The following MYT1L variants were observed in gnomAD, a reference collection of about 807,000 sequenced individuals.
MYT1L encodes myelin transcription factor 1 like, also known as myelin transcription factor 1-like protein.
In MYT1L, 12 loss-of-function variants were observed where a neutral mutation model predicts 126.7. The observed-to-expected ratio is 0.09, with a 90% CI of 0.06 to 0.15. The LOEUF (loss-of-function observed/expected upper bound fraction) is 0.15, where lower values mean the gene tolerates loss of function less well. Among genes scored for constraint, MYT1L ranks in the 10% least tolerant of loss-of-function variants. The pLI, the probability that MYT1L is intolerant of heterozygous loss-of-function variation, is 1.00. For synonymous variants in MYT1L, 541 were observed against 604.2 expected, an observed-to-expected ratio of 0.90 and a Z score of 1.53; for missense variants, 979 against 1,585.2, an observed-to-expected ratio of 0.62 and a Z score of 6.49.
intron 2 of MYT1L, among the ~76,000 whole-genome samples, chr2:2,207,282 A>G (rs956916747): frequency 3.3e-5 from 5 of 152,194 alleles, no homozygotes; most frequent in Admixed American, 3.3e-4. Context: ...CTATATCTAC[A>G]CTACACATAT....
At chr2:1,992,002 C>T (rs962046038) in intron 5 of MYT1L, among the ~76,000 whole-genome samples, 2 of 152,160 alleles carry the variant, frequency 1.3e-5, no homozygotes, top group Admixed American at 6.5e-5. Flanking sequence ...CTAACCTCTC[C>T]GGTCAGCACT....
At chr2:1,899,516 CCT>C (rs1398987766) in intron 14 of MYT1L, among the ~76,000 whole-genome samples, 2 of 152,216 alleles carry the variant, frequency 1.3e-5, no homozygotes, top group Non-Finnish European at 2.9e-5. Flanking sequence ...CCCCTCAGCC[CCT>C]CTGTCAGCCT....
chr2:2,308,636 A>G (rs922678979), intron 1 of MYT1L, among the ~76,000 whole-genome samples: 8 of 151,944 alleles, frequency 5.3e-5, no homozygotes, highest in Admixed American at 4.6e-4. Flanking sequence ...CGTATAACCT[A>G]CCTATACTTC....
intron 3 of MYT1L, among the ~76,000 whole-genome samples, chr2:2,114,351 G>A (rs1312255751): frequency 3.3e-5 from 5 of 152,140 alleles, no homozygotes; most frequent in East Asian, 1.9e-4. Flanking sequence ...CTTTCTGTTC[G>A]TTTGTTCTGG....
intron 8 of MYT1L, among the ~76,000 whole-genome samples, chr2:1,949,592 C>A (rs1160277194): frequency 6.6e-6 from 1 of 152,214 alleles, no homozygotes; most frequent in Non-Finnish European, 1.5e-5. Context: ...TCTCGCACTT[C>A]CATGTCATGT....
chr2:2,176,932 A>G (rs2090868786), intron 2 of MYT1L, among the ~76,000 whole-genome samples: 1 of 152,240 alleles, frequency 6.6e-6, no homozygotes, highest in South Asian at 2.1e-4. Context: ...TCACATGAAT[A>G]ATCTATCCTC....
chr2:2,316,961 C>A (rs530160323), intron 1 of MYT1L, among the ~76,000 whole-genome samples: 2 of 151,304 alleles, frequency 1.3e-5, no homozygotes, highest in South Asian at 2.1e-4. Context: ...CAGGCATCCA[C>A]CACCATGCCC....
rs1028857078 is a variant in MYT1L, at chr2:1,790,931, T to C, written c.*936A>G. On this transcript the variant is annotated 3_prime_UTR_variant, in exon 25 of 25. Coordinates refer to ENST00000647738, the MANE Select transcript of MYT1L (RefSeq NM_001303052.2). ...ACACAAATTCTGTTGATAAACTACA[T>C]TGCAATAACAGACAGTTCAGAGGGG... is the stretch of plus-strand genomic sequence containing the variant. 15 of 173,380 alleles carry C rather than the reference T, an allele frequency of 8.7e-5. No homozygotes were observed. The highest frequency in any genetic ancestry group is 7.9e-4 in the Admixed American group (14 of 17,758). 10.7% of individuals were successfully genotyped at this position (173,380 alleles called of 1,614,324 possible).
intron 3 of MYT1L, among the ~76,000 whole-genome samples, chr2:2,134,277 C>T (rs992093052): frequency 5.3e-5 from 8 of 152,180 alleles, no homozygotes; most frequent in Non-Finnish European, 1.0e-4. Context: ...ATCCTCATTG[C>T]TACCATGCCA....
At chr2:2,077,444 G>T (rs2075345642) in intron 3 of MYT1L, among the ~76,000 whole-genome samples, 2 of 152,124 alleles carry the variant, frequency 1.3e-5, no homozygotes, top group Admixed American at 6.5e-5. Context: ...TTTGAAAGTT[G>T]CAAGATAAAA....
At chr2:2,082,469 C>G (rs1443791478) in intron 3 of MYT1L, among the ~76,000 whole-genome samples, 1 of 152,170 alleles carries the variant, frequency 6.6e-6, no homozygotes, top group Non-Finnish European at 1.5e-5. Flanking sequence ...TTGTCACATG[C>G]CTTAAGCCAA....
chr2:1,814,957 G>T (rs1235788315), intron 21 of MYT1L, among the ~76,000 whole-genome samples: 1 of 152,210 alleles, frequency 6.6e-6, no homozygotes, highest in Non-Finnish European at 1.5e-5. Flanking sequence ...GCTAAGTCCT[G>T]CTTCTGCTGC....
chr2:2,275,593 C>T (rs1434471262), intron 2 of MYT1L, among the ~76,000 whole-genome samples: 1 of 152,108 alleles, frequency 6.6e-6, no homozygotes, highest in Non-Finnish European at 1.5e-5. Context: ...CTGCATCCTG[C>T]CCTAAGTTGC....
chr2:1,946,131 C>T (rs1055863096), intron 8 of MYT1L, among the ~76,000 whole-genome samples: 2 of 152,034 alleles, frequency 1.3e-5, no homozygotes, highest in Admixed American at 1.3e-4. Flanking sequence ...TTGAACCCTA[C>T]TGAGAACTGA....
chr2:1,979,033 G>T lies in MYT1L; in HGVS notation c.152+132C>A, dbSNP rs2060394484. 1 of 706,278 alleles carries T rather than the reference G, an allele frequency of 1.4e-6. No individual in the cohort carries two copies. The highest frequency in any genetic ancestry group is 1.8e-5 in the African/African-American group (1 of 55,892). The allele number at this position is 706,278 out of a possible 1,614,324, so 43.8% of individuals were successfully genotyped here. A position where few individuals can be genotyped will look rare whatever the true frequency, so the allele number is the denominator to read the frequency against. On this transcript the variant is annotated intron_variant, in intron 8 of 24. Transcript: ENST00000647738. The surrounding 1 kb of genome is among the most constrained non-coding windows in gnomAD (Gnocchi z 4.0). ...CAAGAGACAAAGACTGAGTTCCAGT[G>T]TGAGAAGAAAAAGAAGGCATAATGT...
chr2:1,937,954 G>A (rs972643946), intron 9 of MYT1L, among the ~76,000 whole-genome samples: 7 of 152,178 alleles, frequency 4.6e-5, no homozygotes, highest in Admixed American at 2.0e-4. Context: ...GCGTGTCACC[G>A]GATTTAGCCC....
At chr2:1,982,956 T>G (rs557554241) in intron 5 of MYT1L, among the ~76,000 whole-genome samples, 1 of 152,342 alleles carries the variant, frequency 6.6e-6, no homozygotes, top group Admixed American at 6.5e-5. Flanking sequence ...GCTCATATGG[T>G]TGGATAAGGA....
chr2:2,198,111 G>T (rs774320163), intron 2 of MYT1L, among the ~76,000 whole-genome samples: 11 of 152,074 alleles, frequency 7.2e-5, no homozygotes, highest in Non-Finnish European at 1.5e-4. Context: ...TGTTATTTGT[G>T]GCAACATGGA....
In MYT1L at chr2:1,845,489, G is replaced by A. The variant is rs541230892; in HGVS notation, c.2775-4646C>T. 3.9e-5 allele frequency among the ~76,000 whole-genome samples: 6 copies of A among 152,032 alleles called. No homozygotes were observed. In the South Asian group the frequency reaches 1.0e-3, roughly 26 times the overall value. ...TTTATACCGGATGATGATGTCCCCC[G>A]GCTGCTTGCTGCATCCCAGGCCCTC... On this transcript the variant is annotated intron_variant, in intron 19 of 24. Coordinates refer to ENST00000647738, the MANE Select transcript of MYT1L (RefSeq NM_001303052.2).
Sources: gnomAD v4.1 joint callset for allele counts (sites outside exome capture counted in the v4.1 genomes callset) on GRCh38, gnomAD v4.1.1 for gene constraint, Gnocchi (gnomAD v3.1) non-coding constraint, MANE v1.5 for transcripts, NCBI Gene and HGNC (gene_info 2026-07-23, HGNC 2026-07-21) for gene names.